The following FANCA variants were observed in gnomAD, a reference collection of about 807,000 sequenced individuals.
FANCA encodes Fanconi anemia group A protein.
In FANCA, 236 loss-of-function variants were observed where a neutral mutation model predicts 194.3. The observed-to-expected ratio is 1.21, with a 90% confidence interval of 1.09 to 1.35. FANCA has a LOEUF of 1.35. Among genes scored for constraint, FANCA ranks in the 40% most tolerant of loss-of-function variants. FANCA has a pLI of 0.00. For synonymous variants in FANCA, 1,014 were observed against 715.8 expected (o/e 1.42, Z -6.65); for missense variants, 2,628 against 1,813.9 (o/e 1.45, Z -8.15).
At chr16:89,756,754 GA>G (rs2038780325) in intron 30 of FANCA, among the ~76,000 whole-genome samples, 1 of 151,776 alleles carries the variant, frequency 6.6e-6, no homozygotes, top group Admixed American at 6.6e-5. Flanking sequence ...AAAGGCTGGG[GA>G]AGCTGGAAGG....
intron 3 of FANCA, 76 bp downstream of exon 3, chr16:89,814,444 T>C (rs1456335950): frequency 1.7e-6 from 2 of 1,169,550 alleles, no homozygotes; most frequent in Non-Finnish European, 2.5e-6. Flanking sequence ...ACATTTCTAC[T>C]TAATTTAGCA....
intron 17 of FANCA, 45 bp from the exon 18 acceptor site, chr16:89,780,002 A>C (rs2039646498): frequency 5.7e-6 from 9 of 1,565,540 alleles, no homozygotes; most frequent in Admixed American, 1.7e-5. Context: ...AGAGGACTTT[A>C]AAGAAAAGAC....
chr16:89,744,554 A>C (rs1407675215), intron 36 of FANCA: 1 of 330,796 alleles, frequency 3.0e-6, no homozygotes, highest in African/African-American at 2.2e-5. Flanking sequence ...AGGAGCCCAC[A>C]TTAGATTTAA....
rs146145159 is a variant in FANCA at position 89,767,357 on chromosome 16, T to C, written c.2505-120A>G. The C allele has an allele frequency of 4.5e-4, 342 of 764,490 alleles. 2 individuals are homozygous for C. In the African/African-American group the frequency reaches 4.6e-3, roughly 10 times the overall value. The allele number at this position is 764,490 out of a possible 1,614,324, so 47.4% of individuals were successfully genotyped here. A position where few individuals can be genotyped will look rare whatever the true frequency, so the allele number is the denominator to read the frequency against. On this transcript the variant is annotated intron_variant, in intron 26 of 42. Transcript: ENST00000389301. ...CATTCCGAACTGGATGGCCTGAGCATTGGTCCTTCGTTTTTTGGTTCGTTT... is the reference window on the plus strand; with the variant it reads ...CATTCCGAACTGGATGGCCTGAGCACTGGTCCTTCGTTTTTTGGTTCGTTT...
Position 89,739,125 on chromosome 16 carries a change from G to C in FANCA, c.4167+8C>G, listed in dbSNP as rs772665586. 1 of 1,614,116 alleles carries C rather than the reference G, an allele frequency of 6.2e-7. No homozygotes were observed. The highest frequency in any genetic ancestry group is 1.7e-5 in the Admixed American group (1 of 60,032). ...TCCCCTGGAGGTGGGACTGGCCCTT[G>C]CACCTGCCTGACCCTTGAGCTCCAG... On this transcript the variant is annotated splice_region_variant and intron_variant, in intron 41 of 42. Coordinates refer to ENST00000389301, the MANE Select transcript of FANCA (RefSeq NM_000135.4).
At chr16:89,791,829 G>T (rs1284090463) in intron 13 of FANCA, 98 bp downstream of exon 13, 17 of 1,490,052 alleles carry the variant, frequency 1.1e-5, no homozygotes, top group Non-Finnish European at 1.6e-5. Context: ...GTAGGGAAGG[G>T]CTTCACTGAG....
chr16:89,769,356 G>A (rs1219158488), intron 26 of FANCA, among the ~76,000 whole-genome samples: 3 of 152,272 alleles, frequency 2.0e-5, no homozygotes, highest in East Asian at 1.9e-4. Context: ...GAGCCCTTGA[G>A]GCACTGAGCA....
At chr16:89,788,232 T>C (rs1053272433) in intron 14 of FANCA, among the ~76,000 whole-genome samples, 1 of 151,922 alleles carries the variant, frequency 6.6e-6, no homozygotes, top group African/African-American at 2.4e-5. Flanking sequence ...GGAGGCTAAG[T>C]GGGGCGGATG....
chr16:89,785,618 A>G (rs2039869251), intron 14 of FANCA, among the ~76,000 whole-genome samples: 1 of 152,114 alleles, frequency 6.6e-6, no homozygotes, highest in Non-Finnish European at 1.5e-5. Flanking sequence ...AAGGAAGGAG[A>G]TTTTAAATGG....
At chr16:89,784,744 A>G in intron 15 of FANCA, 110 bp downstream of exon 15, 1 of 839,750 alleles carries the variant, frequency 1.2e-6, no homozygotes, top group Non-Finnish European at 2.1e-6. Context: ...GGCCTGGCTG[A>G]GAGGCTCAGA....
intron 17 of FANCA, among the ~76,000 whole-genome samples, chr16:89,780,924 C>T (rs1194969945): frequency 7.1e-6 from 1 of 141,324 alleles, no homozygotes; most frequent in African/African-American, 2.6e-5. Context: ...AACAACATCC[C>T]ACCTCAAAAA....
At chr16:89,741,371 C>T (rs2062129331) in intron 37 of FANCA, among the ~76,000 whole-genome samples, 1 of 152,352 alleles carries the variant, frequency 6.6e-6, no homozygotes, top group African/African-American at 2.4e-5. Flanking sequence ...CTCAGAAGAA[C>T]CCCTGCAGGG....
In FANCA at chr16:89,779,951, T is replaced by C. The variant is rs748029566; in HGVS notation, c.1633A>G (p.Ser545Gly). The C allele has an allele frequency of 2.5e-6, 4 of 1,614,052 alleles. No homozygotes were observed. Among genetic ancestry groups the C allele is most frequent in the Admixed American group, 3.3e-5 (2 of 60,002 alleles). Reference sequence around the variant, plus strand: ...TTTTCAACATCCTGAAGAGCTTGGCTGTGGGGCTGGTTCCCATACAGGGAG... The same window carrying C: ...TTTTCAACATCCTGAAGAGCTTGGCCGTGGGGCTGGTTCCCATACAGGGAG... ...SSAGDITEPH[S>G]QALQDVEKAI... The change falls in exon 18 of 43, where the codon AGC becomes GGC. Residue 545 changes from serine to glycine, a missense_variant. Ser to Gly is a moderately conservative substitution (Grantham distance 56, BLOSUM62 0). Coordinates refer to ENST00000389301, the MANE Select transcript of FANCA (RefSeq NM_000135.4).
chr16:89,742,653 CAAAAA>C (rs749345470), intron 37 of FANCA, 142 bp downstream of exon 37: 99 of 310,514 alleles, frequency 3.2e-4, no homozygotes, highest in East Asian at 5.1e-4. Context: ...ACTAAAAATA[CAAAAA>C]AAAAAAAAAA....
chr16:89,771,657 G>C (rs1432448260), intron 23 of FANCA, 21 bp downstream of exon 23: 2 of 1,613,842 alleles, frequency 1.2e-6, no homozygotes, highest in South Asian at 2.2e-5. Flanking sequence ...CCCCTGCTTT[G>C]TTCTGAGCCC....
chr16:89,774,716 C>A (rs1169202056), intron 21 of FANCA, among the ~76,000 whole-genome samples: 10 of 73,398 alleles, frequency 1.4e-4, no homozygotes, highest in East Asian at 1.3e-3. Context: ...GGCAACAGAG[C>A]GAGACTCTGT....
At position 89,779,897 on chromosome 16, in the gene FANCA, T is replaced by TC; in HGVS notation, c.1686dup (p.Asn563GlufsTer36). 6.2e-7 allele frequency: 1 copy of TC among 1,613,982 alleles called. No individual in the cohort carries two copies. Among genetic ancestry groups the TC allele is most frequent in the Non-Finnish European group, 8.5e-7 (1 of 1,180,036 alleles). ...GCCTCCATGACGGTGACTGGGATGT[T>TC]CCCCGTATGCTCAAACACCATGATG... On this transcript the variant is annotated frameshift_variant, in exon 18 of 43. Transcript: ENST00000389301. LOFTEE classifies it high-confidence loss of function.
intron 5 of FANCA, among the ~76,000 whole-genome samples, chr16:89,810,296 C>T (rs1399754662): frequency 6.7e-6 from 1 of 150,066 alleles, no homozygotes; most frequent in African/African-American, 2.5e-5. Flanking sequence ...GCACTCCAGC[C>T]TGTGCGACAG....
At chr16:89,780,037 C>A (rs2039647804) in intron 17 of FANCA, 80 bp from the exon 18 acceptor site, 2 of 1,257,128 alleles carry the variant, frequency 1.6e-6, no homozygotes, top group East Asian at 4.6e-5. Flanking sequence ...CACACTCAAC[C>A]TGTGCTTCCT....
Sources: allele counts gnomAD v4.1 joint callset (sites outside exome capture counted in the v4.1 genomes callset), GRCh38; gene constraint gnomAD v4.1.1; transcripts MANE v1.5; gene names NCBI Gene and HGNC (gene_info 2026-07-23, HGNC 2026-07-21).